The following GPM6A variants were observed in gnomAD, a reference collection of about 807,000 sequenced individuals.
The protein encoded by GPM6A is neuronal membrane glycoprotein M6-a.
Under a neutral mutation model 32.1 loss-of-function variants are expected in GPM6A, and 7 were observed. The observed-to-expected ratio is 0.22, with a 90% CI of 0.12 to 0.41. GPM6A has a LOEUF of 0.41. GPM6A is among the 10% of genes least tolerant of loss of function. GPM6A has a pLI of 1.00. For missense variants in GPM6A, 235 were observed against 347.2 expected, an observed-to-expected ratio of 0.68 and a Z score of 2.57; for synonymous variants, 130 against 123.4, an observed-to-expected ratio of 1.05 and a Z score of -0.35.
In GPM6A at chr4:175,661,879, T is replaced by G. The variant is rs145813802; in HGVS notation, c.388-9892A>C. The stretch of plus-strand genomic sequence containing the variant: ...CCAGGAGAACACCACATATATCATA[T>G]ACGTGTGTCAATCTGCTGAGAGATT... On this transcript the variant is annotated intron_variant, in intron 3 of 6. Coordinates refer to ENST00000393658, the MANE Select transcript of GPM6A (RefSeq NM_201591.3). Among the ~76,000 whole-genome samples the G allele has an allele frequency of 4.9e-3, 745 of 152,102 alleles. 6 individuals carry two copies. The highest frequency in any genetic ancestry group is 0.017 in the African/African-American group (710 of 41,394).
chr4:175,824,148 C>T (rs1206362918), intron 1 of GPM6A, among the ~76,000 whole-genome samples: 1 of 152,208 alleles, frequency 6.6e-6, no homozygotes, highest in Non-Finnish European at 1.5e-5. Context: ...GTTTTATTGG[C>T]CCTGACATAT....
intron 1 of GPM6A, among the ~76,000 whole-genome samples, chr4:175,736,780 C>T (rs1350852951): frequency 3.9e-5 from 6 of 152,208 alleles, no homozygotes; most frequent in Non-Finnish European, 8.8e-5. Flanking sequence ...TGATGCAGAG[C>T]GTCACCATGT....
At chr4:175,950,763 A>G (rs1423073796) in intron 1 of GPM6A, among the ~76,000 whole-genome samples, 1 of 152,196 alleles carries the variant, frequency 6.6e-6, no homozygotes, top group Non-Finnish European at 1.5e-5. Flanking sequence ...AATGACACAC[A>G]ATAGTTCTAA....
chr4:175,668,117 A>T (rs1036171797), intron 3 of GPM6A, among the ~76,000 whole-genome samples: 1 of 152,126 alleles, frequency 6.6e-6, no homozygotes, highest in Non-Finnish European at 1.5e-5. Context: ...CAACTTTTAC[A>T]TTAGACATCA....
At chr4:175,975,851 C>T (rs1561019366) in intron 1 of GPM6A, among the ~76,000 whole-genome samples, 1 of 152,086 alleles carries the variant, frequency 6.6e-6, no homozygotes, top group Non-Finnish European at 1.5e-5. Context: ...AAAAATAACA[C>T]TAAATTAATT....
Position 175,950,965 on chromosome 4 carries a change from T to C in GPM6A, c.-23+51344A>G, listed in dbSNP as rs563784458. 2.0e-5 allele frequency among the ~76,000 whole-genome samples: 3 copies of C among 152,230 alleles called. No homozygotes were observed. In the South Asian group the frequency reaches 6.2e-4, roughly 32 times the overall value. Reference sequence around the variant, plus strand: ...GATAATACTAAATGTTAAAATATAGTATTTGTAAGACTTTTTTTTTTCTCC... The same window carrying C: ...GATAATACTAAATGTTAAAATATAGCATTTGTAAGACTTTTTTTTTTCTCC... On this transcript the variant is annotated intron_variant, in intron 1 of 7. Transcript: ENST00000280187.
At chr4:175,885,343 T>G (rs1362634392) in intron 1 of GPM6A, among the ~76,000 whole-genome samples, 2 of 152,224 alleles carry the variant, frequency 1.3e-5, no homozygotes, top group African/African-American at 4.8e-5. Context: ...CAGATAGGAA[T>G]AGATAGTGTT....
intron 1 of GPM6A, among the ~76,000 whole-genome samples, chr4:175,865,062 C>T (rs1358224338): frequency 1.6e-4 from 24 of 152,174 alleles, no homozygotes; most frequent in Non-Finnish European, 5.9e-5. Flanking sequence ...CCACCTGCCT[C>T]GGCCTCCCAA....
At chr4:175,808,487 C>T (rs6829130) in intron 1 of GPM6A, 159 of 152,084 alleles carry the variant, frequency 1.0e-3, no homozygotes, top group African/African-American at 3.2e-3. Flanking sequence ...ATTAAAGATA[C>T]GCTGAAATGA....
intron 3 of GPM6A, among the ~76,000 whole-genome samples, chr4:175,670,361 G>T (rs1742985331): frequency 6.6e-6 from 1 of 152,124 alleles, no homozygotes; most frequent in African/African-American, 2.4e-5. Context: ...TAAGAAAATT[G>T]GGGATGGGGG....
intron 1 of GPM6A, among the ~76,000 whole-genome samples, chr4:175,845,526 T>C (rs1736061106): frequency 6.6e-6 from 1 of 152,134 alleles, no homozygotes; most frequent in South Asian, 2.1e-4. Context: ...AGAGTTACCG[T>C]TGTGCTTATG....
intron 1 of GPM6A, among the ~76,000 whole-genome samples, chr4:175,904,756 T>C (rs1422941811): frequency 6.6e-6 from 1 of 152,192 alleles, no homozygotes; most frequent in Non-Finnish European, 1.5e-5. Flanking sequence ...TGCTTTTGTC[T>C]AATCTTGGGC....
chr4:175,728,147 A>T (rs1731264218), intron 1 of GPM6A, among the ~76,000 whole-genome samples: 1 of 152,136 alleles, frequency 6.6e-6, no homozygotes, highest in South Asian at 2.1e-4. Flanking sequence ...TAAGGTTATA[A>T]TATTAAATTA....
intron 1 of GPM6A, among the ~76,000 whole-genome samples, chr4:175,893,443 C>T (rs1737705807): frequency 6.6e-6 from 1 of 152,086 alleles, no homozygotes; most frequent in African/African-American, 2.4e-5. Context: ...GTAATAAAAG[C>T]ATGGAGTACC....
intron 1 of GPM6A, among the ~76,000 whole-genome samples, chr4:175,981,454 T>G (rs1740813143): frequency 6.6e-6 from 1 of 152,216 alleles, no homozygotes; most frequent in Non-Finnish European, 1.5e-5. Flanking sequence ...TTGTTTTTTA[T>G]CTTGATTGCC....
intron 1 of GPM6A, among the ~76,000 whole-genome samples, chr4:175,757,401 G>A (rs967517431): frequency 2.0e-5 from 3 of 152,040 alleles, no homozygotes; most frequent in Non-Finnish European, 4.4e-5. Context: ...ATTCAGAACC[G>A]TCTAGCCAAG....
chr4:175,852,906 G>A (rs951555422), intron 1 of GPM6A, among the ~76,000 whole-genome samples: 5 of 152,106 alleles, frequency 3.3e-5, no homozygotes, highest in Admixed American at 6.5e-5. Flanking sequence ...TCAAAGCAAC[G>A]AATAGATTAT....
At chr4:175,649,984 G>T (rs1054104404) in intron 4 of GPM6A, among the ~76,000 whole-genome samples, 1 of 152,136 alleles carries the variant, frequency 6.6e-6, no homozygotes, top group African/African-American at 2.4e-5. Context: ...AGGACAAGGG[G>T]CAGAGAGCAG....
intron 1 of GPM6A, among the ~76,000 whole-genome samples, chr4:175,985,073 A>G (rs959652181): frequency 6.6e-6 from 1 of 152,166 alleles, no homozygotes; most frequent in Admixed American, 6.5e-5. Flanking sequence ...AATTATGTCA[A>G]TTTATAGAAC....
Sources: gnomAD v4.1 joint callset for allele counts (sites outside exome capture counted in the v4.1 genomes callset) on GRCh38, gnomAD v4.1.1 for gene constraint, MANE v1.5 for transcripts, NCBI Gene and HGNC (gene_info 2026-07-23, HGNC 2026-07-21) for gene names.